PTPRM: variants seen among roughly 807,000 people sequenced by gnomAD.
PTPRM encodes the protein protein tyrosine phosphatase receptor type M.
In PTPRM, 47 loss-of-function variants were observed where a neutral mutation model predicts 186.7. The ratio of observed to expected loss-of-function variants is 0.25; its 90% CI spans 0.20 to 0.32. The LOEUF is 0.32. PTPRM is among the 10% of genes least tolerant of loss of function. The pLI, the probability that PTPRM is intolerant of heterozygous loss-of-function variation, is 1.00. For synonymous variants in PTPRM, 668 were observed against 674.9 expected (o/e 0.99, Z 0.16); for missense variants, 1,494 against 1,865.0 (o/e 0.80, Z 3.66).
chr18:7,653,023 A>G (rs773839408), intron 1 of PTPRM, among the ~76,000 whole-genome samples: 7 of 152,022 alleles, frequency 4.6e-5, no homozygotes, highest in Non-Finnish European at 8.8e-5. Flanking sequence ...CAGATACCTC[A>G]TCAAAGAAAA....
chr18:7,685,077 C>T (rs1330477970), intron 1 of PTPRM, among the ~76,000 whole-genome samples: 1 of 152,158 alleles, frequency 6.6e-6, no homozygotes, highest in African/African-American at 2.4e-5. Context: ...ATGATAGGCA[C>T]ACGATTATAA....
At position 8,330,967 on chromosome 18, in the gene PTPRM, CCACACA is replaced by C. The variant is rs747720646; in HGVS notation, c.2956+11755_2956+11760del. On this transcript the variant is annotated intron_variant, in intron 22 of 32. Transcript: ENST00000580170. ...CTCTGCATTGTATAGCATATTGTTG[CCACACA>C]CTACCTACCCCCATTTTATTCTTTT... Among the ~76,000 whole-genome samples, 269 of 152,256 alleles carry C rather than the reference CCACACA, an allele frequency of 1.8e-3. 1 individual carries two copies. The highest frequency in any genetic ancestry group is 3.4e-3 in the Middle Eastern group (1 of 294).
At chr18:8,006,503 C>T (rs1600020937) in intron 7 of PTPRM, among the ~76,000 whole-genome samples, 1 of 152,310 alleles carries the variant, frequency 6.6e-6, no homozygotes, top group East Asian at 1.9e-4. Flanking sequence ...GGCATCCTTG[C>T]ACAAAACAAC....
intron 3 of PTPRM, among the ~76,000 whole-genome samples, chr18:7,890,261 TA>T (rs1346088303): frequency 6.6e-6 from 1 of 152,180 alleles, no homozygotes; most frequent in Non-Finnish European, 1.5e-5. Context: ...TTTTCATGTT[TA>T]ATTGAGGTGC....
chr18:8,228,610 G>A (rs769323083), intron 14 of PTPRM, among the ~76,000 whole-genome samples: 9 of 151,394 alleles, frequency 5.9e-5, no homozygotes, highest in Non-Finnish European at 1.3e-4. Context: ...TGGGAGGCGA[G>A]GCAGGTGGAT....
chr18:8,012,392 C>T (rs2084587474), intron 7 of PTPRM, among the ~76,000 whole-genome samples: 1 of 152,202 alleles, frequency 6.6e-6, no homozygotes, highest in Non-Finnish European at 1.5e-5. Flanking sequence ...TCTGCCAGGA[C>T]CTTCCTCTGG....
At chr18:7,701,102 G>T (rs144636381) in intron 1 of PTPRM, among the ~76,000 whole-genome samples, 1 of 151,560 alleles carries the variant, frequency 6.6e-6, no homozygotes, top group Admixed American at 6.6e-5. Context: ...TCAAGAGTTC[G>T]AGACCACCCT....
chr18:7,716,911 C>T (rs2040346352), intron 1 of PTPRM, among the ~76,000 whole-genome samples: 1 of 152,222 alleles, frequency 6.6e-6, no homozygotes, highest in Non-Finnish European at 1.5e-5. Context: ...TTGTGGAAGA[C>T]AGTGTGGCAA....
Position 8,231,648 on chromosome 18 carries a change from A to G in PTPRM, c.2301-12410A>G, listed in dbSNP as rs1393262215. On this transcript the variant is annotated intron_variant, in intron 14 of 32. Transcript: ENST00000580170. Reference sequence around the variant, plus strand: ...AATACTCAGGAAATAGTAGAGTATAATAACCATTCCTTTAATTTGAATTCA... The same window carrying G: ...AATACTCAGGAAATAGTAGAGTATAGTAACCATTCCTTTAATTTGAATTCA... Among the ~76,000 whole-genome samples the G allele has an allele frequency of 2.0e-5, 3 of 152,296 alleles. No individual in the cohort carries two copies. The East Asian group carries it at 5.8e-4, about 29-fold the overall frequency.
At chr18:8,282,295 G>GT (rs1212888180) in intron 19 of PTPRM, among the ~76,000 whole-genome samples, 1 of 152,158 alleles carries the variant, frequency 6.6e-6, no homozygotes, top group Non-Finnish European at 1.5e-5. Context: ...GAGAGAAACT[G>GT]TATTTCTTGT....
chr18:7,995,505 AT>A (rs1328237655), intron 7 of PTPRM: 1 of 152,236 alleles, frequency 6.6e-6, no homozygotes, highest in African/African-American at 2.4e-5. Context: ...CATGATGAAC[AT>A]AAGTGTAAAA....
chr18:7,752,683 T>C (rs1257686813), intron 1 of PTPRM, among the ~76,000 whole-genome samples: 1 of 152,134 alleles, frequency 6.6e-6, no homozygotes, highest in African/African-American at 2.4e-5. Context: ...CCTCAGGTGA[T>C]CCGCCTACCT....
intron 13 of PTPRM, among the ~76,000 whole-genome samples, chr18:8,135,067 G>C (rs886095368): frequency 6.6e-6 from 1 of 152,056 alleles, no homozygotes; most frequent in Non-Finnish European, 1.5e-5. Flanking sequence ...ATATAAAGTA[G>C]GTCTTCAAAA....
chr18:8,343,573 A>G, intron 23 of PTPRM, 53 bp downstream of exon 23: 1 of 1,538,428 alleles, frequency 6.5e-7, no homozygotes. Context: ...TTAGTTGGTA[A>G]CAGAAAGTAA....
chr18:7,891,273 G>T (rs2049065648), intron 3 of PTPRM, among the ~76,000 whole-genome samples: 1 of 151,902 alleles, frequency 6.6e-6, no homozygotes, highest in South Asian at 2.1e-4. Flanking sequence ...GTGACAGAGT[G>T]AGACCTTGCC....
At chr18:7,864,035 T>C (rs1205132586) in intron 2 of PTPRM, among the ~76,000 whole-genome samples, 3 of 152,226 alleles carry the variant, frequency 2.0e-5, no homozygotes, top group African/African-American at 7.2e-5. Context: ...TTGCCCACTT[T>C]TTGATGAGGT....
intron 1 of PTPRM, among the ~76,000 whole-genome samples, chr18:7,654,922 T>C (rs1054172317): frequency 1.3e-5 from 2 of 152,238 alleles, no homozygotes; most frequent in African/African-American, 2.4e-5. Flanking sequence ...TAGGATTGCA[T>C]TGGCTATTCA....
intron 2 of PTPRM, among the ~76,000 whole-genome samples, chr18:7,781,951 T>A (rs1398551823): frequency 5.3e-5 from 8 of 152,182 alleles, no homozygotes; most frequent in Non-Finnish European, 1.2e-4. Context: ...CTAGTGAGCA[T>A]TCGTCCTCCC....
At chr18:7,934,315 A>ATT (rs11376897) in intron 5 of PTPRM, among the ~76,000 whole-genome samples, 9,790 of 151,950 alleles carry the variant, frequency 0.064, 817 homozygotes, top group African/African-American at 0.2. Flanking sequence ...AGATTGATAT[A>ATT]TTTTTTTTCT....
Sources: allele counts gnomAD v4.1 joint callset (sites outside exome capture counted in the v4.1 genomes callset), GRCh38; gene constraint gnomAD v4.1.1; transcripts MANE v1.5; gene names NCBI Gene and HGNC (gene_info 2026-07-23, HGNC 2026-07-21).